Variants in TMEM94 observed in about 807,000 individuals in gnomAD.
TMEM94 encodes ER Mg2+ ATPase.
TMEM94 carries 81 observed loss-of-function variants against 158.6 expected under a neutral mutation model. The ratio of observed to expected loss-of-function variants is 0.51; its 90% confidence interval spans 0.43 to 0.61. The LOEUF is 0.61. Ranked by LOEUF, TMEM94 falls within the 20% of genes least tolerant of loss-of-function variation. TMEM94 has a pLI of 0.00. For missense variants in TMEM94, 1,435 were observed against 1,762.0 expected (o/e 0.81, Z 3.32); for synonymous variants, 751 against 730.7 (o/e 1.03, Z -0.45).
In TMEM94 at chr17:75,498,388, C is replaced by T; in HGVS notation, c.3639-56C>T. On this transcript the variant is annotated intron_variant, in intron 28 of 31. Transcript: ENST00000314256. This position sits in a 1 kb window ranked among gnomAD's most constrained non-coding sequence, Gnocchi z 6.7. ...GCCTCGAGGCTTCCTCCCTCCCCACCCCAGCCTACCTCCCTGCGGCCCTAG... is the reference window on the plus strand; with the variant it reads ...GCCTCGAGGCTTCCTCCCTCCCCACTCCAGCCTACCTCCCTGCGGCCCTAG... 1 of 1,610,994 alleles carries T rather than the reference C, an allele frequency of 6.2e-7. No homozygotes were observed. The highest frequency in any genetic ancestry group is 8.5e-7 in the Non-Finnish European group (1 of 1,178,430).
chr17:75,499,099 G>A lies in TMEM94; in HGVS notation c.3998+17G>A. ...TGAGATTCGGTGAGCTGTCAGCAGG[G>A]CGCCTCCCTCTGGGCTCAGGCATGT... On this transcript the variant is annotated intron_variant, in intron 31 of 31. Transcript: ENST00000314256. 3.2e-6 allele frequency: 5 copies of A among 1,575,794 alleles called. No homozygotes were observed. The highest frequency in any genetic ancestry group is 2.6e-6 in the Non-Finnish European group (3 of 1,159,136).
rs1319968336 is a variant in TMEM94, at chr17:75,488,478, C to T, written c.613-281C>T. Among the ~76,000 whole-genome samples the T allele has an allele frequency of 3.9e-5, 6 of 152,278 alleles. No homozygotes were observed. In the East Asian group the frequency reaches 1.2e-3, roughly 29 times the overall value. On this transcript the variant is annotated intron_variant, in intron 6 of 31. Transcript: ENST00000314256. Reference sequence around the variant, plus strand: ...TTATTTTTTGGTAGAGATGGGGTTTCGGCATGTTGGCCAGGCTGGTTTCGA... The same window carrying T: ...TTATTTTTTGGTAGAGATGGGGTTTTGGCATGTTGGCCAGGCTGGTTTCGA...
chr17:75,486,068 G>A, intron 4 of TMEM94, 70 bp downstream of exon 4: 1 of 1,512,574 alleles, frequency 6.6e-7, no homozygotes, highest in Non-Finnish European at 8.8e-7. Context: ...ACCTGGGACA[G>A]ACCAGGGCTC....
At position 75,491,194 on chromosome 17, in the gene TMEM94, C is replaced by A. The variant is rs748281273; in HGVS notation, c.1233+41C>A. The A allele has an allele frequency of 3.8e-6, 6 of 1,593,050 alleles. No homozygotes were observed. Among genetic ancestry groups the A allele is most frequent in the Non-Finnish European group, 3.4e-6 (4 of 1,166,468 alleles). On this transcript the variant is annotated intron_variant, in intron 12 of 31. Transcript: ENST00000314256. The surrounding 1 kb of genome is among the most constrained non-coding windows in gnomAD (Gnocchi z 5.1). Reference sequence around the variant, plus strand: ...GCGGGGAGGAGGCAACTGTCATGCCCGCCCTGCTCTCTGGCTGGGCCTGGG... The same window carrying A: ...GCGGGGAGGAGGCAACTGTCATGCCAGCCCTGCTCTCTGGCTGGGCCTGGG...
rs1208063605 is a variant in TMEM94 at position 75,476,720 on chromosome 17, C to T, written c.24+4791C>T. The T allele has an allele frequency of 4.6e-6, 7 of 1,535,586 alleles. No individual in the cohort carries two copies. In the East Asian group the frequency reaches 9.8e-5, roughly 21 times the overall value. On this transcript the variant is annotated intron_variant, in intron 2 of 31. Coordinates refer to ENST00000314256, the MANE Select transcript of TMEM94 (RefSeq NM_014738.6). ...CTTTAAGCAGGCAGAGCTATGGATG[C>T]CCCATCAGGGCAAAGGCAACAAAGT...
In TMEM94 at chr17:75,488,780, G is replaced by A. The variant is rs755779084; in HGVS notation, c.634G>A (p.Glu212Lys). ...GIKDDEHIVL[E>K]PGDLFPPFSP... ...GCAGGATGACGAGCACATCGTCCTG[G>A]AGCCGGGAGACCTCTTCCCCCCCTT... The change falls in exon 7 of 32, where the codon GAG becomes AAG. Residue 212 changes from glutamate to lysine, a missense_variant. Physicochemically the swap from Glu to Lys is moderately conservative, Grantham distance 56. This residue lies in a region of TMEM94 where 1,051 missense variants were observed against 1,254.4 expected (regional missense o/e 0.84). Coordinates refer to ENST00000314256, the MANE Select transcript of TMEM94 (RefSeq NM_014738.6). 2.5e-6 allele frequency: 4 copies of A among 1,613,742 alleles called. No individual in the cohort carries two copies. The African/African-American group carries it at 4.0e-5, about 16-fold the overall frequency.
intron 2 of TMEM94, among the ~76,000 whole-genome samples, chr17:75,475,204 C>T (rs1401168379): frequency 6.6e-6 from 1 of 152,204 alleles, no homozygotes; most frequent in Non-Finnish European, 1.5e-5. Flanking sequence ...GCCAACCTTT[C>T]CTTCTCTCCA....
chr17:75,480,641 A>T (rs973050022), intron 2 of TMEM94, among the ~76,000 whole-genome samples: 2 of 152,192 alleles, frequency 1.3e-5, no homozygotes, highest in Non-Finnish European at 2.9e-5. Flanking sequence ...TGACCAAAGG[A>T]GGGACACCTC....
Position 75,471,942 on chromosome 17 carries a change from C to T in TMEM94, c.24+13C>T. 6.2e-7 allele frequency: 1 copy of T among 1,613,264 alleles called. No individual in the cohort carries two copies. Among genetic ancestry groups the T allele is most frequent in the Non-Finnish European group, 8.5e-7 (1 of 1,179,292 alleles). On this transcript the variant is annotated intron_variant, in intron 2 of 31. Transcript: ENST00000314256. The stretch of plus-strand genomic sequence containing the variant: ...GGAGAAGCACCTGGTAGGCCATATC[C>T]TATTACCTTATAGGTATTGTCTGTG...
chr17:75,493,198 G>A (rs2052374863), intron 16 of TMEM94, 96 bp downstream of exon 16: 1 of 1,330,800 alleles, frequency 7.5e-7, no homozygotes, highest in South Asian at 1.4e-5. Context: ...GGAGGCCTGG[G>A]CAGATGAAAA....
At chr17:75,463,034 AAAAATATATAT>A (rs1306022285) in intron 1 of TMEM94, among the ~76,000 whole-genome samples, 1 of 3,776 alleles carries the variant, frequency 2.6e-4, no homozygotes, top group Non-Finnish European at 5.3e-4. Flanking sequence ...AAAAAAAAAA[AAAAATATATAT>A]ATATATATAT....
intron 2 of TMEM94, among the ~76,000 whole-genome samples, chr17:75,481,953 T>C (rs1225078166): frequency 2.6e-5 from 4 of 152,306 alleles, no homozygotes; most frequent in African/African-American, 9.6e-5. Flanking sequence ...CTCACGCCTA[T>C]AATCACAGCA....
At chr17:75,482,333 G>A (rs1368849116) in intron 2 of TMEM94, among the ~76,000 whole-genome samples, 1 of 151,100 alleles carries the variant, frequency 6.6e-6, no homozygotes, top group South Asian at 2.1e-4. Context: ...GCAACAGAAC[G>A]AGACTCTGTC....
At chr17:75,467,765 C>A (rs1194117307) in intron 1 of TMEM94, among the ~76,000 whole-genome samples, 1 of 151,690 alleles carries the variant, frequency 6.6e-6, no homozygotes, top group African/African-American at 2.4e-5. Context: ...ATCTCCTGAC[C>A]TCGTGATCCA....
At chr17:75,460,741 T>G (rs376128274) in intron 1 of TMEM94, among the ~76,000 whole-genome samples, 1 of 152,048 alleles carries the variant, frequency 6.6e-6, no homozygotes, top group East Asian at 1.9e-4. Flanking sequence ...CAAACTCCTG[T>G]GCTCAAGGGA....
rs181221258 is a variant in TMEM94, at chr17:75,487,439, A to G, written c.410-493A>G. 59 of 161,296 alleles carry G rather than the reference A, an allele frequency of 3.7e-4. No homozygotes were observed. Among genetic ancestry groups the G allele is most frequent in the Admixed American group, 3.6e-3 (59 of 16,260 alleles). 10.0% of individuals were successfully genotyped at this position (161,296 alleles called of 1,614,324 possible). A position where few individuals can be genotyped will look rare whatever the true frequency, so the allele number is the denominator to read the frequency against. On this transcript the variant is annotated intron_variant, in intron 5 of 31. Coordinates refer to ENST00000314256, the MANE Select transcript of TMEM94 (RefSeq NM_014738.6). This position sits in a 1 kb window ranked among gnomAD's most constrained non-coding sequence, Gnocchi z 4.6. ...AAACCATTCTTCCAGGCCCATCCCC[A>G]GTGCTTCCTCTTTCAGGAAGCCACC...
chr17:75,475,747 A>T (rs2146297863), intron 2 of TMEM94, among the ~76,000 whole-genome samples: 1 of 152,226 alleles, frequency 6.6e-6, no homozygotes, highest in South Asian at 2.1e-4. Flanking sequence ...GCCCAGCAGC[A>T]CTTGGGCCGG....
In TMEM94 at chr17:75,489,359, C is replaced by G. The variant is rs368314581; in HGVS notation, c.858C>G (p.Pro286=). Residue 286 remains proline, a synonymous_variant, in exon 8 of 32, where the codon CCC becomes CCG. Coordinates refer to ENST00000314256, the MANE Select transcript of TMEM94 (RefSeq NM_014738.6). The surrounding 1 kb of genome is among the most constrained non-coding windows in gnomAD (Gnocchi z 5.0). ...CGGTGATGCTACACTATGCTGTGCC[C>G]GTGGTCCTGGTGCGTGTGGCGGGGC... ...VQSVMLHYAV[P]VVLAGFLITN... is the part of the protein sequence containing the mutation. 1 of 1,614,088 alleles carries G rather than the reference C, an allele frequency of 6.2e-7. No homozygotes were observed. Among genetic ancestry groups the G allele is most frequent in the Non-Finnish European group, 8.5e-7 (1 of 1,179,972 alleles).
At chr17:75,468,560 A>C (rs1426862959) in intron 1 of TMEM94, among the ~76,000 whole-genome samples, 1 of 152,214 alleles carries the variant, frequency 6.6e-6, no homozygotes, top group Non-Finnish European at 1.5e-5. Context: ...ATCCCATTTC[A>C]GTTGGCGACC....
Sources: allele counts gnomAD v4.1 joint callset (sites outside exome capture counted in the v4.1 genomes callset), GRCh38; gene constraint gnomAD v4.1.1; regional missense constraint gnomAD v4.1.1; non-coding constraint Gnocchi (gnomAD v3.1); transcripts MANE v1.5; gene names NCBI Gene and HGNC (gene_info 2026-07-23, HGNC 2026-07-21).